Variants in PDE4DIP observed in about 807,000 individuals in gnomAD.
PDE4DIP encodes the protein myomegalin.
Under a neutral mutation model 221.4 loss-of-function variants are expected in PDE4DIP, and 59 were observed. That is an observed-to-expected ratio of 0.27 (90% confidence interval 0.22 to 0.33). The LOEUF (loss-of-function observed/expected upper bound fraction) is 0.33, where lower values mean the gene tolerates loss of function less well. Ranked by LOEUF, PDE4DIP falls within the 10% of genes least tolerant of loss-of-function variation. The probability of loss-of-function intolerance (pLI) is 1.00; values close to 1 mark genes in which losing one functional copy is unlikely to be tolerated. For missense variants in PDE4DIP, 1,036 were observed against 2,154.2 expected, an observed-to-expected ratio of 0.48 and a Z score of 10.28; for synonymous variants, 404 against 815.9, an observed-to-expected ratio of 0.50 and a Z score of 8.60.
exon 31 of PDE4DIP, chr1:149,010,554 C>T (rs1553604478): frequency 1.9e-6 from 3 of 1,614,154 alleles, no homozygotes; most frequent in Non-Finnish European, 2.5e-6. Flanking sequence ...AGCTTGCCAA[C>T]TCCCCAGAAT....
exon 12 of PDE4DIP, chr1:148,966,913 A>G (rs1553519305): frequency 6.2e-7 from 1 of 1,612,090 alleles, no homozygotes; most frequent in African/African-American, 1.3e-5. Flanking sequence ...TTGCTGTGAG[A>G]GAGCGAGATC....
rs1234656003 is a variant in PDE4DIP, at chr1:148,950,035, A to G, written c.637-10619A>G. On this transcript the variant is annotated intron_variant, in intron 5 of 43. Transcript: ENST00000369354. ...AAGCTATCTATATACTGTCATTACAATTTGGAGACTATCAGTTAGATGCAA... is the reference window on the plus strand; with the variant it reads ...AAGCTATCTATATACTGTCATTACAGTTTGGAGACTATCAGTTAGATGCAA... Among the ~76,000 whole-genome samples, 13 of 152,046 alleles carry G rather than the reference A, an allele frequency of 8.6e-5. No individual in the cohort carries two copies. In the East Asian group the frequency reaches 1.9e-3, roughly 23 times the overall value.
chr1:148,915,107 GA>G (rs1480121214), intron 1 of PDE4DIP, among the ~76,000 whole-genome samples: 2 of 149,804 alleles, frequency 1.3e-5, no homozygotes, highest in Admixed American at 1.3e-4. Flanking sequence ...ATGGCGGTAA[GA>G]GACTGCCAGT....
intron 29 of PDE4DIP, 61 bp from the exon 33 acceptor site, chr1:149,009,507 G>A: frequency 9.1e-7 from 1 of 1,104,810 alleles, no homozygotes; most frequent in Non-Finnish European, 1.3e-6. Flanking sequence ...ATGAGCCATA[G>A]TCAGGACAGG....
chr1:148,824,266 G>A (rs1432728025), intron 1 of PDE4DIP, among the ~76,000 whole-genome samples: 1 of 148,780 alleles, frequency 6.7e-6, no homozygotes, highest in Non-Finnish European at 1.5e-5. Flanking sequence ...TCCGTTTTCA[G>A]ACTCACGCAC....
At position 148,896,381 on chromosome 1, in the gene PDE4DIP, AT is replaced by A. The variant is rs587749340; in HGVS notation, c.141+6488del. Among the ~76,000 whole-genome samples, 139 of 141,634 alleles carry A rather than the reference AT, an allele frequency of 9.8e-4. No individual in the cohort carries two copies. In the South Asian group the frequency reaches 0.032, roughly 33 times the overall value. The allele number at this position is 141,634 out of a possible 152,430, so 92.9% of individuals were successfully genotyped here. A position where few individuals can be genotyped will look rare whatever the true frequency, so the allele number is the denominator to read the frequency against. On this transcript the variant is annotated intron_variant, in intron 1 of 43. Coordinates refer to ENST00000369354, the Ensembl canonical transcript of PDE4DIP. ...TGTGTGGCTGCTGTTGCCAGAATTAATGCTTGTCTTCTTATATGTAGCAGAG... is the reference window on the plus strand; with the variant it reads ...TGTGTGGCTGCTGTTGCCAGAATTAAGCTTGTCTTCTTATATGTAGCAGAG...
intron 21 of PDE4DIP, chr1:148,982,362 A>T (rs1476114090): frequency 6.6e-6 from 1 of 152,210 alleles, no homozygotes; most frequent in Non-Finnish European, 1.5e-5. Flanking sequence ...CATTTGTGGC[A>T]CTAGATAGGG....
intron 1 of PDE4DIP, among the ~76,000 whole-genome samples, chr1:148,820,646 T>G (rs10910729): frequency 2.5e-3 from 367 of 148,558 alleles, no homozygotes; most frequent in Non-Finnish European, 2.6e-3. Flanking sequence ...ACTTTTGTTT[T>G]GTTTTGGGTT....
intron 27 of PDE4DIP, among the ~76,000 whole-genome samples, chr1:149,006,093 A>G (rs1553597551): frequency 1.3e-5 from 2 of 152,226 alleles, no homozygotes; most frequent in African/African-American, 2.4e-5. Context: ...AGATGGCACC[A>G]CTGCACTCCA....
chr1:148,964,403 G>T, intron 9 of PDE4DIP, among the ~76,000 whole-genome samples: 1 of 152,038 alleles, frequency 6.6e-6, no homozygotes. Flanking sequence ...CCACCACGCT[G>T]GGCCAAAATA....
chr1:149,023,009 G>A (rs1182361950), intron 37 of PDE4DIP, among the ~76,000 whole-genome samples: 7 of 152,272 alleles, frequency 4.6e-5, no homozygotes, highest in Non-Finnish European at 8.8e-5. Context: ...AAGAGAGAGA[G>A]GAACATCATA....
chr1:148,883,497 T>A (rs1553427030), intron 3 of PDE4DIP, among the ~76,000 whole-genome samples: 1 of 51,450 alleles, frequency 1.9e-5, no homozygotes, highest in African/African-American at 7.7e-5. Flanking sequence ...ACAATTAATA[T>A]GTTTTCAAGT....
intron 1 of PDE4DIP, among the ~76,000 whole-genome samples, chr1:148,918,622 T>TAC (rs57116412): frequency 0.015 from 1,408 of 92,124 alleles, 51 homozygotes; most frequent in South Asian, 0.026. Context: ...TCTCTCTCTC[T>TAC]ACACACACAC....
At chr1:148,967,361 T>C (rs1372359714) in intron 12 of PDE4DIP, among the ~76,000 whole-genome samples, 1 of 151,620 alleles carries the variant, frequency 6.6e-6, no homozygotes, top group Non-Finnish European at 1.5e-5. Flanking sequence ...ATTATCTACA[T>C]GTCCATGAAT....
chr1:148,937,251 A>C (rs1243358727), intron 4 of PDE4DIP, among the ~76,000 whole-genome samples: 1 of 152,216 alleles, frequency 6.6e-6, no homozygotes, highest in Non-Finnish European at 1.5e-5. Flanking sequence ...GAAACAGTAT[A>C]TGGTACGTGA....
intron 9 of PDE4DIP, among the ~76,000 whole-genome samples, chr1:148,963,262 A>C (rs2057367851): frequency 6.6e-6 from 1 of 152,208 alleles, no homozygotes; most frequent in Non-Finnish European, 1.5e-5. Flanking sequence ...TTATCTATGC[A>C]CAGGAAAAAA....
chr1:149,009,664 G>A (rs1553603042), exon 30 of PDE4DIP: 2 of 1,614,210 alleles, frequency 1.2e-6, no homozygotes, highest in South Asian at 1.1e-5. Flanking sequence ...GCCATGCCTT[G>A]TCTGACTCCC....
intron 31 of PDE4DIP, among the ~76,000 whole-genome samples, chr1:149,010,830 A>G (rs1460182613): frequency 1.3e-5 from 2 of 150,408 alleles, no homozygotes; most frequent in African/African-American, 4.9e-5. Flanking sequence ...TAGTTGGCTA[A>G]TCATTTAAAA....
At chr1:148,867,649 C>T (rs1157878878) in intron 2 of PDE4DIP, among the ~76,000 whole-genome samples, 1 of 138,984 alleles carries the variant, frequency 7.2e-6, no homozygotes, top group South Asian at 2.3e-4. Flanking sequence ...CAGCAAACTA[C>T]AGCCCATGGG....
Sources: gnomAD v4.1 joint callset for allele counts (sites outside exome capture counted in the v4.1 genomes callset) on GRCh38, gnomAD v4.1.1 for gene constraint, MANE v1.5 for transcripts, NCBI Gene and HGNC (gene_info 2026-07-23, HGNC 2026-07-21) for gene names.